PTPRD: variants seen among roughly 807,000 people sequenced by gnomAD.
PTPRD encodes protein tyrosine phosphatase receptor type D.
Under a neutral mutation model 214.5 loss-of-function variants are expected in PTPRD, and 34 were observed. The ratio of observed to expected loss-of-function variants is 0.16; its 90% CI spans 0.12 to 0.21. The LOEUF is 0.21. PTPRD is among the 10% of genes least tolerant of loss of function. PTPRD has a pLI of 1.00. For missense variants in PTPRD, 2,545 were observed against 2,398.7 expected (o/e 1.06, Z -1.27); for synonymous variants, 1,128 against 845.7 (o/e 1.33, Z -5.79).
intron 3 of PTPRD, among the ~76,000 whole-genome samples, chr9:10,051,804 C>G (rs1316138638): frequency 7.9e-5 from 12 of 152,194 alleles, no homozygotes; most frequent in Non-Finnish European, 1.5e-4. Flanking sequence ...TTACTCTTCT[C>G]TTTCAAATAT....
intron 2 of PTPRD, among the ~76,000 whole-genome samples, chr9:10,603,703 G>A (rs915564527): frequency 2.6e-5 from 4 of 151,840 alleles, no homozygotes; most frequent in African/African-American, 9.7e-5. Flanking sequence ...CAGTCAATAA[G>A]TGTTGGCTAT....
At chr9:8,438,964 T>A (rs1248613668) in intron 34 of PTPRD, 12 of 152,180 alleles carry the variant, frequency 7.9e-5, no homozygotes, top group Admixed American at 7.9e-4. Context: ...ATTGGAAGTT[T>A]ATTAAAGAAA....
intron 39 of PTPRD, among the ~76,000 whole-genome samples, chr9:8,355,035 G>A (rs565800049): frequency 6.0e-4 from 91 of 152,262 alleles, no homozygotes; most frequent in African/African-American, 1.8e-3. Context: ...CAAATCTCAT[G>A]TTGAGATATG....
chr9:10,309,522 C>CTT (rs771490425), intron 3 of PTPRD, among the ~76,000 whole-genome samples: 1,250 of 83,158 alleles, frequency 0.015, 22 homozygotes, highest in African/African-American at 0.058. Context: ...CCAGCTATTT[C>CTT]TTTTTTTTTT....
At chr9:9,596,875 T>TCACA (rs1402202140) in intron 7 of PTPRD, among the ~76,000 whole-genome samples, 4 of 152,056 alleles carry the variant, frequency 2.6e-5, no homozygotes, top group Non-Finnish European at 5.9e-5. Context: ...ATGATATCAT[T>TCACA]CACAGATCAC....
chr9:9,419,172 AT>A (rs1411417843), intron 8 of PTPRD, among the ~76,000 whole-genome samples: 2 of 137,916 alleles, frequency 1.5e-5, no homozygotes. Flanking sequence ...CACAAGCATG[AT>A]ATATATATAT....
At chr9:9,901,876 A>T (rs1285860323) in intron 5 of PTPRD, among the ~76,000 whole-genome samples, 1 of 152,098 alleles carries the variant, frequency 6.6e-6, no homozygotes. Flanking sequence ...AGTGCTACAC[A>T]CTCTCAAAAG....
chr9:9,778,077 C>T (rs761819526), intron 5 of PTPRD, among the ~76,000 whole-genome samples: 1 of 152,078 alleles, frequency 6.6e-6, no homozygotes, highest in Non-Finnish European at 1.5e-5. Flanking sequence ...AGTGACACTC[C>T]CATTGAGAGA....
intron 12 of PTPRD, among the ~76,000 whole-genome samples, chr9:8,640,563 A>C (rs2096552359): frequency 1.3e-5 from 1 of 78,904 alleles, no homozygotes; most frequent in African/African-American, 5.4e-5. Context: ...CAAAAAAACA[A>C]AAAAAAAAAA....
At chr9:9,247,628 C>A (rs2131382969) in intron 9 of PTPRD, among the ~76,000 whole-genome samples, 1 of 152,112 alleles carries the variant, frequency 6.6e-6, no homozygotes, top group South Asian at 2.1e-4. Flanking sequence ...TCTACATAGC[C>A]AAAGCCTCTC....
intron 7 of PTPRD, among the ~76,000 whole-genome samples, chr9:9,710,820 T>C (rs991449540): frequency 6.6e-6 from 1 of 152,108 alleles, no homozygotes; most frequent in Admixed American, 6.6e-5. Context: ...TCTAGAATAA[T>C]GTTATTTCAT....
At chr9:9,470,297 A>T (rs1178126902) in intron 8 of PTPRD, among the ~76,000 whole-genome samples, 1 of 152,192 alleles carries the variant, frequency 6.6e-6, no homozygotes, top group Non-Finnish European at 1.5e-5. Flanking sequence ...TGTTTCTGAA[A>T]CCTACCATCT....
At chr9:9,522,156 T>G (rs1340561259) in intron 8 of PTPRD, among the ~76,000 whole-genome samples, 1 of 56,670 alleles carries the variant, frequency 1.8e-5, no homozygotes, top group Non-Finnish European at 3.2e-5. Flanking sequence ...AATCTCCATC[T>G]CAAAAAAAAA....
chr9:8,832,818 C>G (rs2097325856), intron 11 of PTPRD, among the ~76,000 whole-genome samples: 1 of 151,938 alleles, frequency 6.6e-6, no homozygotes, highest in South Asian at 2.1e-4. Flanking sequence ...CTCTGTATTT[C>G]TCTTTTTCAG....
chr9:9,711,447 T>C (rs1396494599), intron 7 of PTPRD, among the ~76,000 whole-genome samples: 1 of 152,036 alleles, frequency 6.6e-6, no homozygotes, highest in Non-Finnish European at 1.5e-5. Context: ...AACATATAAC[T>C]CTGGCAACAA....
At chr9:8,799,292 C>T in intron 11 of PTPRD, among the ~76,000 whole-genome samples, 1 of 152,156 alleles carries the variant, frequency 6.6e-6, no homozygotes, top group East Asian at 1.9e-4. Flanking sequence ...ACAGATAATG[C>T]TAGAAAGTGT....
chr9:8,398,068 A>G (rs1444195417), intron 36 of PTPRD, among the ~76,000 whole-genome samples: 1 of 152,006 alleles, frequency 6.6e-6, no homozygotes, highest in Admixed American at 6.6e-5. Flanking sequence ...TCTCATTTGG[A>G]TATTAGTTTT....
intron 10 of PTPRD, among the ~76,000 whole-genome samples, chr9:9,058,131 A>G (rs896744933): frequency 2.0e-5 from 3 of 152,202 alleles, no homozygotes; most frequent in Non-Finnish European, 4.4e-5. Context: ...TTCCAAATAA[A>G]TAAGTATTTA....
intron 44 of PTPRD, 62 bp downstream of exon 44, chr9:8,331,520 G>A (rs563708117): frequency 3.5e-4 from 558 of 1,578,642 alleles, no homozygotes; most frequent in Admixed American, 7.0e-4. Flanking sequence ...TACAAAAAGT[G>A]TATACAGACA....
Sources: gnomAD v4.1 joint callset for allele counts (sites outside exome capture counted in the v4.1 genomes callset) on GRCh38, gnomAD v4.1.1 for gene constraint, MANE v1.5 for transcripts, NCBI Gene and HGNC (gene_info 2026-07-23, HGNC 2026-07-21) for gene names.